Variants in PRRG1 observed in about 807,000 individuals in gnomAD.
The protein encoded by PRRG1 is transmembrane gamma-carboxyglutamic acid protein 1.
A neutral mutation model predicts 11.8 loss-of-function variants in PRRG1; 5 were observed. The ratio of observed to expected loss-of-function variants is 0.42; its 90% CI spans 0.22 to 0.89. The LOEUF (loss-of-function observed/expected upper bound fraction) is 0.89, where lower values mean the gene tolerates loss of function less well. Among genes scored for constraint, PRRG1 ranks in the 40% least tolerant of loss-of-function variants. PRRG1 has a pLI of 0.28. For missense variants in PRRG1, 155 were observed against 166.1 expected, an observed-to-expected ratio of 0.93 and a Z score of 0.37; for synonymous variants, 66 against 60.4, an observed-to-expected ratio of 1.09 and a Z score of -0.43.
chrX:37,416,934 G>C (rs1212550974), intron 2 of PRRG1, among the ~76,000 whole-genome samples: 2 of 111,655 alleles, frequency 1.8e-5, no homozygotes, highest in Non-Finnish European at 3.8e-5. Context: ...AAAATCATTA[G>C]ATGAGAGACA....
chrX:37,426,885 T>C (rs1303384648), intron 3 of PRRG1, among the ~76,000 whole-genome samples: 2 of 112,193 alleles, frequency 1.8e-5, no homozygotes, highest in Non-Finnish European at 3.8e-5. Flanking sequence ...TATATGTTCA[T>C]TGTAGAGAAA....
chrX:37,370,201 T>C (rs1447549628), intron 1 of PRRG1, among the ~76,000 whole-genome samples: 2 of 112,191 alleles, frequency 1.8e-5, no homozygotes, highest in African/African-American at 3.2e-5. Context: ...AGTATTCCAT[T>C]GTGAGTATAT....
intron 2 of PRRG1, among the ~76,000 whole-genome samples, chrX:37,422,387 A>G (rs1206567469): frequency 8.9e-6 from 1 of 111,980 alleles, no homozygotes; most frequent in African/African-American, 3.2e-5. Context: ...TGCGCTCAGC[A>G]TAGGTCACTG....
At chrX:37,427,522 A>G (rs1410373305) in intron 3 of PRRG1, among the ~76,000 whole-genome samples, 3 of 112,172 alleles carry the variant, frequency 2.7e-5, no homozygotes, top group African/African-American at 9.7e-5. Context: ...ATAATATAAC[A>G]TTGTTAGCTG....
At chrX:37,425,353 CA>C (rs1238377244) in intron 2 of PRRG1, among the ~76,000 whole-genome samples, 1 of 111,232 alleles carries the variant, frequency 9.0e-6, no homozygotes, top group Non-Finnish European at 1.9e-5. Context: ...TAACTTCTCA[CA>C]ATTTTTTTTT....
At chrX:37,359,002 T>C (rs1336916686) in intron 1 of PRRG1, among the ~76,000 whole-genome samples, 1 of 112,235 alleles carries the variant, frequency 8.9e-6, no homozygotes, top group Non-Finnish European at 1.9e-5. Flanking sequence ...TTATCACTTA[T>C]TAGTTCCAGG....
chrX:37,415,267 C>T lies in PRRG1; in HGVS notation c.10+9008C>T, dbSNP rs782807426. 6.3e-5 allele frequency among the ~76,000 whole-genome samples: 7 copies of T among 111,181 alleles called. No individual in the cohort carries two copies. In the South Asian group the frequency reaches 1.5e-3, roughly 24 times the overall value. ...GTACTAAAAATACAAAAATTACCCG[C>T]GCACGGTGGTGCACCCTGTAGTACC... On this transcript the variant is annotated intron_variant, in intron 2 of 3. Coordinates refer to ENST00000378628, the MANE Select transcript of PRRG1 (RefSeq NM_001142395.2).
chrX:37,455,854 G>A lies in PRRG1; in HGVS notation c.*2233G>A, dbSNP rs1556398223. The A allele has an allele frequency of 9.0e-6, 1 of 111,717 alleles. No homozygotes were observed. The highest frequency in any genetic ancestry group is 1.9e-5 in the Non-Finnish European group (1 of 53,142). The allele number at this position is 111,717 out of a possible 1,213,427, so 9.2% of individuals were successfully genotyped here. A position where few individuals can be genotyped will look rare whatever the true frequency, so the allele number is the denominator to read the frequency against. Reference sequence around the variant, plus strand: ...ACACCTTTTGTGTGGACATGTTTTTGTCTTTAATGTCAGGCTTTAGATTAG... The same window carrying A: ...ACACCTTTTGTGTGGACATGTTTTTATCTTTAATGTCAGGCTTTAGATTAG... On this transcript the variant is annotated 3_prime_UTR_variant, in exon 4 of 4. Transcript: ENST00000378628.
intron 3 of PRRG1, among the ~76,000 whole-genome samples, chrX:37,429,124 C>T (rs2146610934): frequency 8.9e-6 from 1 of 112,149 alleles, no homozygotes; most frequent in East Asian, 2.8e-4. Flanking sequence ...ACTTCCAAAT[C>T]TGTGATAGGG....
At chrX:37,432,151 A>C (rs1355053625) in intron 3 of PRRG1, among the ~76,000 whole-genome samples, 2 of 105,716 alleles carry the variant, frequency 1.9e-5, no homozygotes, top group African/African-American at 7.0e-5. Context: ...GCAGTGGCGC[A>C]ATCTCAGCTC....
chrX:37,389,530 A>G (rs945935151), intron 1 of PRRG1, among the ~76,000 whole-genome samples: 2 of 111,329 alleles, frequency 1.8e-5, no homozygotes, highest in Non-Finnish European at 3.8e-5. Flanking sequence ...AAGGGCAGCC[A>G]GCACTTCACA....
chrX:37,386,039 G>T (rs1420026144), intron 1 of PRRG1, among the ~76,000 whole-genome samples: 1 of 112,066 alleles, frequency 8.9e-6, no homozygotes, highest in Non-Finnish European at 1.9e-5. Flanking sequence ...TGGGATTACA[G>T]GCGTGAGCTA....
chrX:37,453,902 C>T lies in PRRG1; in HGVS notation c.*281C>T. On this transcript the variant is annotated 3_prime_UTR_variant, in exon 4 of 4. Transcript: ENST00000378628. ...GTAAGTGTATATATGTGTGTATAGGCATATATACGTGTGTATGCATCAACA... is the reference window on the plus strand; with the variant it reads ...GTAAGTGTATATATGTGTGTATAGGTATATATACGTGTGTATGCATCAACA... The T allele has an allele frequency of 4.5e-6, 1 of 222,848 alleles. No homozygotes were observed. The highest frequency in any genetic ancestry group is 8.0e-6 in the Non-Finnish European group (1 of 124,376). The allele number at this position is 222,848 out of a possible 1,213,427, so 18.4% of individuals were successfully genotyped here.
At chrX:37,367,162 A>G (rs782624194) in intron 1 of PRRG1, among the ~76,000 whole-genome samples, 3 of 112,326 alleles carry the variant, frequency 2.7e-5, no homozygotes, top group Non-Finnish European at 3.8e-5. Flanking sequence ...AATAGAAGGC[A>G]ACATGGAGAA....
chrX:37,449,029 A>G (rs1602042416), intron 3 of PRRG1, among the ~76,000 whole-genome samples: 1 of 112,059 alleles, frequency 8.9e-6, no homozygotes, highest in Non-Finnish European at 1.9e-5. Flanking sequence ...AAAGATGTTC[A>G]GTGACTTGCA....
At chrX:37,400,008 C>T (rs781887057) in intron 1 of PRRG1, among the ~76,000 whole-genome samples, 1 of 111,369 alleles carries the variant, frequency 9.0e-6, no homozygotes, top group African/African-American at 3.3e-5. Context: ...TACAAAGAGA[C>T]TTACACTCCC....
intron 1 of PRRG1, among the ~76,000 whole-genome samples, chrX:37,370,988 A>T (rs1239667901): frequency 9.0e-6 from 1 of 111,493 alleles, no homozygotes. Context: ...CAGGAGGCAG[A>T]CAGGCTCCTG....
chrX:37,428,420 G>T (rs2146610244), intron 3 of PRRG1, among the ~76,000 whole-genome samples: 1 of 111,823 alleles, frequency 8.9e-6, no homozygotes, highest in South Asian at 3.8e-4. Context: ...CCAAATGGGA[G>T]AAATTGGCCA....
Position 37,415,491 on chromosome X carries a change from A to G in PRRG1, c.10+9232A>G, listed in dbSNP as rs782537078. 3.6e-5 allele frequency among the ~76,000 whole-genome samples: 4 copies of G among 112,494 alleles called. No homozygotes were observed. The East Asian group carries it at 1.1e-3, about 31-fold the overall frequency. Reference sequence around the variant, plus strand: ...GAAACAAATGAGATTCCAGAATTCTACACATCAGCCCACCACCTCCTTTGG... The same window carrying G: ...GAAACAAATGAGATTCCAGAATTCTGCACATCAGCCCACCACCTCCTTTGG... On this transcript the variant is annotated intron_variant, in intron 2 of 3. Transcript: ENST00000378628.
Sources: allele counts gnomAD v4.1 joint callset (sites outside exome capture counted in the v4.1 genomes callset), GRCh38; gene constraint gnomAD v4.1.1; transcripts MANE v1.5; gene names NCBI Gene and HGNC (gene_info 2026-07-23, HGNC 2026-07-21).